The following ADGRL3 variants were observed in gnomAD, a reference collection of about 807,000 sequenced individuals.
ADGRL3 encodes adhesion G protein-coupled receptor L3, also known as calcium-independent alpha-latrotoxin receptor 3.
A neutral mutation model predicts 153.5 loss-of-function variants in ADGRL3; 62 were observed. The ratio of observed to expected loss-of-function variants is 0.40; its 90% confidence interval spans 0.33 to 0.50. ADGRL3 has a LOEUF of 0.50. ADGRL3 is among the 20% of genes least tolerant of loss of function. The pLI is 0.47. For synonymous variants in ADGRL3, 710 were observed against 672.5 expected (o/e 1.06, Z -0.86); for missense variants, 1,641 against 1,859.4 (o/e 0.88, Z 2.16).
chr4:61,988,663 T>TA (rs1050413847), intron 19 of ADGRL3, among the ~76,000 whole-genome samples: 4 of 152,120 alleles, frequency 2.6e-5, no homozygotes, highest in Non-Finnish European at 5.9e-5. Flanking sequence ...TTTTTACTTT[T>TA]AAAAAAATCA....
intron 21 of ADGRL3, among the ~76,000 whole-genome samples, chr4:62,006,003 CATATAT>C (rs1217370949): frequency 5.9e-4 from 29 of 48,988 alleles, no homozygotes; most frequent in African/African-American, 2.1e-3. Context: ...CACACACACA[CATATAT>C]ATATATATAT....
At chr4:61,476,405 T>G (rs2098053803) in intron 2 of ADGRL3, among the ~76,000 whole-genome samples, 1 of 151,944 alleles carries the variant, frequency 6.6e-6, no homozygotes, top group Non-Finnish European at 1.5e-5. Context: ...TTTTGTAGTT[T>G]TAGAAAAGAC....
chr4:61,681,818 A>G (rs1284592661), intron 6 of ADGRL3, among the ~76,000 whole-genome samples: 1 of 152,120 alleles, frequency 6.6e-6, no homozygotes, highest in African/African-American at 2.4e-5. Flanking sequence ...TAAATAAATA[A>G]TTACATATTT....
At position 61,709,833 on chromosome 4, in the gene ADGRL3, G is replaced by A. The variant is rs140031108; in HGVS notation, c.584-20789G>A. On this transcript the variant is annotated intron_variant, in intron 6 of 26. Transcript: ENST00000683033. ...AATCAAATCCTGGTGTATCTAAGAGGGCTAGTACTTTGGCATGGAGGATTA... is the reference window on the plus strand; with the variant it reads ...AATCAAATCCTGGTGTATCTAAGAGAGCTAGTACTTTGGCATGGAGGATTA... Among the ~76,000 whole-genome samples the A allele has an allele frequency of 4.4e-4, 67 of 152,114 alleles. 1 individual carries two copies. In the East Asian group the frequency reaches 0.012, roughly 27 times the overall value.
At chr4:61,866,051 T>A (rs1335613110) in intron 9 of ADGRL3, among the ~76,000 whole-genome samples, 1 of 152,190 alleles carries the variant, frequency 6.6e-6, no homozygotes, top group Non-Finnish European at 1.5e-5. Context: ...GGGAATCCAG[T>A]TGTATACCTT....
chr4:62,059,992 T>A (rs575626758), intron 25 of ADGRL3, among the ~76,000 whole-genome samples: 119 of 152,218 alleles, frequency 7.8e-4, no homozygotes, highest in African/African-American at 2.6e-3. Context: ...ATTTTTAAAA[T>A]CTTTGATAGT....
chr4:61,624,348 G>A (rs937365454), intron 5 of ADGRL3, among the ~76,000 whole-genome samples: 2 of 152,070 alleles, frequency 1.3e-5, no homozygotes, highest in Non-Finnish European at 2.9e-5. Context: ...GACAATTAGT[G>A]AAGAATGGGA....
chr4:62,041,268 T>C (rs1021561984), intron 24 of ADGRL3, among the ~76,000 whole-genome samples: 4 of 152,096 alleles, frequency 2.6e-5, no homozygotes, highest in African/African-American at 4.8e-5. Flanking sequence ...TAATCACTTA[T>C]AAAAGTTTTA....
chr4:61,819,437 C>G (rs920396839), intron 9 of ADGRL3, among the ~76,000 whole-genome samples: 2 of 151,998 alleles, frequency 1.3e-5, no homozygotes, highest in East Asian at 1.9e-4. Flanking sequence ...AGCAACATCT[C>G]TAGGTTTTCC....
intron 8 of ADGRL3, among the ~76,000 whole-genome samples, chr4:61,772,225 G>A (rs1352985826): frequency 6.6e-6 from 1 of 152,088 alleles, no homozygotes; most frequent in Non-Finnish European, 1.5e-5. Context: ...GGAAAGGACT[G>A]GATAGGAAAA....
intron 3 of ADGRL3, among the ~76,000 whole-genome samples, chr4:61,505,118 T>C (rs1195605973): frequency 2.0e-5 from 3 of 152,176 alleles, no homozygotes; most frequent in Non-Finnish European, 4.4e-5. Flanking sequence ...GCATTTGTTA[T>C]TGCCTGTTTT....
intron 23 of ADGRL3, among the ~76,000 whole-genome samples, chr4:62,035,094 A>G (rs1724220989): frequency 6.6e-6 from 1 of 151,954 alleles, no homozygotes; most frequent in African/African-American, 2.4e-5. Flanking sequence ...TGTTTCCTGG[A>G]CATGGTCCAT....
Position 61,784,245 on chromosome 4 carries a change from G to A in ADGRL3, c.1400-29564G>A, listed in dbSNP as rs370503926. Among the ~76,000 whole-genome samples, 15 of 152,198 alleles carry A rather than the reference G, an allele frequency of 9.9e-5. No individual in the cohort carries two copies. The South Asian group carries it at 2.9e-3, about 29-fold the overall frequency. On this transcript the variant is annotated intron_variant, in intron 8 of 26. Coordinates refer to ENST00000683033, the MANE Select transcript of ADGRL3 (RefSeq NM_001387552.1). ...ATAAAATCAAGAATCAAATGGTTTT[G>A]AACAGCCTATATCAAGGATCTAAAA...
At chr4:61,985,009 TTATAGTATATATGGGCCAAATGAA>T (rs1273105230) in intron 19 of ADGRL3, among the ~76,000 whole-genome samples, 1 of 152,126 alleles carries the variant, frequency 6.6e-6, no homozygotes, top group Non-Finnish European at 1.5e-5. Flanking sequence ...AGAAAATTCC[TTATAGTATATATGGGCCAAATGAA>T]AGGGAAAAGT....
intron 25 of ADGRL3, chr4:62,063,405 C>T: frequency 1.8e-6 from 1 of 551,974 alleles, no homozygotes; most frequent in Non-Finnish European, 3.2e-6. Flanking sequence ...AGGACTGTAT[C>T]AATTGTTGTC....
chr4:61,224,793 G>A (rs1426241735), intron 1 of ADGRL3, among the ~76,000 whole-genome samples: 1 of 152,210 alleles, frequency 6.6e-6, no homozygotes, highest in African/African-American at 2.4e-5. Context: ...TGGACTCCAA[G>A]TGTCGGCAGA....
intron 6 of ADGRL3, among the ~76,000 whole-genome samples, chr4:61,724,920 T>C (rs1286024910): frequency 6.6e-6 from 1 of 152,186 alleles, no homozygotes; most frequent in Non-Finnish European, 1.5e-5. Flanking sequence ...AATCTTGGTT[T>C]TCCTTAGTCA....
chr4:61,978,189 T>G (rs897431158), intron 17 of ADGRL3, among the ~76,000 whole-genome samples: 19 of 152,158 alleles, frequency 1.2e-4, no homozygotes, highest in African/African-American at 4.6e-4. Context: ...AGACAACTCC[T>G]TCTTGTCAAC....
intron 5 of ADGRL3, among the ~76,000 whole-genome samples, chr4:61,618,481 G>C (rs1307468472): frequency 2.0e-5 from 3 of 152,068 alleles, no homozygotes. Flanking sequence ...TCTGATCTGG[G>C]CCTACTAGGC....
Sources: gnomAD v4.1 joint callset for allele counts (sites outside exome capture counted in the v4.1 genomes callset) on GRCh38, gnomAD v4.1.1 for gene constraint, MANE v1.5 for transcripts, NCBI Gene and HGNC (gene_info 2026-07-23, HGNC 2026-07-21) for gene names.